NFIA: variants seen among roughly 807,000 people sequenced by gnomAD.
The protein encoded by NFIA is nuclear factor I A.
NFIA carries 8 observed loss-of-function variants against 62.8 expected under a neutral mutation model. That is an observed-to-expected ratio of 0.13 (90% CI 0.07 to 0.23). NFIA has a LOEUF of 0.23. NFIA is among the 10% of genes least tolerant of loss of function. The pLI is 1.00. For missense variants in NFIA, 410 were observed against 642.1 expected (o/e 0.64, Z 3.91); for synonymous variants, 235 against 238.1 (o/e 0.99, Z 0.12).
intron 6 of NFIA, among the ~76,000 whole-genome samples, chr1:61,373,971 A>T (rs1000525688): frequency 6.6e-6 from 1 of 152,200 alleles, no homozygotes; most frequent in African/African-American, 2.4e-5. Context: ...ACTATCCAGT[A>T]TTCTAACCAT....
chr1:61,262,128 T>C (rs537479883), intron 2 of NFIA, among the ~76,000 whole-genome samples: 1 of 152,300 alleles, frequency 6.6e-6, no homozygotes, highest in South Asian at 2.1e-4. Context: ...TCTCTCTTTA[T>C]GGAAATAAAG....
intron 10 of NFIA, among the ~76,000 whole-genome samples, chr1:61,438,992 C>G (rs999088571): frequency 8.1e-6 from 1 of 123,702 alleles, no homozygotes; most frequent in African/African-American, 3.2e-5. Context: ...TCCTAACATG[C>G]ATGCAGACAC....
intron 9 of NFIA, 51 bp downstream of exon 9, chr1:61,406,778 G>A: frequency 6.6e-7 from 1 of 1,504,526 alleles, no homozygotes; most frequent in Non-Finnish European, 8.9e-7. Context: ...TGTATGCACT[G>A]GAATCCACAC....
intron 2 of NFIA, among the ~76,000 whole-genome samples, chr1:61,243,242 A>G (rs1463560454): frequency 1.3e-5 from 2 of 152,188 alleles, no homozygotes; most frequent in Non-Finnish European, 2.9e-5. Context: ...TTCAACATAA[A>G]GCTATGGAGG....
chr1:61,336,643 T>TAA (rs1364386350), intron 4 of NFIA, among the ~76,000 whole-genome samples: 1 of 152,218 alleles, frequency 6.6e-6, no homozygotes, highest in African/African-American at 2.4e-5. Flanking sequence ...TTTACTGCCC[T>TAA]AAATATCTCC....
At chr1:61,386,881 T>G (rs1455479611) in intron 7 of NFIA, among the ~76,000 whole-genome samples, 3 of 152,174 alleles carry the variant, frequency 2.0e-5, no homozygotes, top group Non-Finnish European at 2.9e-5. Context: ...AGTCCAAGAT[T>G]AAGGCTCTGG....
intron 2 of NFIA, among the ~76,000 whole-genome samples, chr1:61,164,481 A>G (rs930862833): frequency 2.1e-4 from 31 of 151,168 alleles, no homozygotes; most frequent in African/African-American, 7.6e-4. Context: ...TTTTTTGGAG[A>G]TGGAGTATTG....
chr1:61,314,546 TA>T (rs1660272128), intron 3 of NFIA, among the ~76,000 whole-genome samples: 1 of 152,220 alleles, frequency 6.6e-6, no homozygotes, highest in South Asian at 2.1e-4. Context: ...ACCTGATTAT[TA>T]CTTACAGAAT....
chr1:61,228,305 A>G (rs1293286513), intron 2 of NFIA, among the ~76,000 whole-genome samples: 1 of 152,166 alleles, frequency 6.6e-6, no homozygotes, highest in African/African-American at 2.4e-5. Flanking sequence ...TGACACACTC[A>G]ACAAAGCCGT....
chr1:61,247,836 C>T (rs1655749853), intron 2 of NFIA, among the ~76,000 whole-genome samples: 2 of 152,158 alleles, frequency 1.3e-5, no homozygotes, highest in Non-Finnish European at 1.5e-5. Context: ...GGTCTACTGC[C>T]AACATGATCC....
rs200406628 is a variant in NFIA at position 61,406,555 on chromosome 1, C to G, written c.1255-7C>G. 4.6e-3 allele frequency: 6,404 copies of G among 1,405,946 alleles called. 92 individuals carry two copies. The highest frequency in any genetic ancestry group is 0.02 in the African/African-American group (1,176 of 60,096). The allele number at this position is 1,405,946 out of a possible 1,614,324, so 87.1% of individuals were successfully genotyped here. A position where few individuals can be genotyped will look rare whatever the true frequency, so the allele number is the denominator to read the frequency against. ...ACGTGTGTTTTCTGCCCCCCCCCCC[C>G]CCACAGCCCAATGGGAGCAGCCAAG... On this transcript the variant is annotated splice_polypyrimidine_tract_variant and splice_region_variant and intron_variant, in intron 8 of 10. Transcript: ENST00000403491.
intron 2 of NFIA, among the ~76,000 whole-genome samples, chr1:61,155,862 C>T (rs558379934): frequency 6.6e-5 from 10 of 152,114 alleles, no homozygotes; most frequent in Admixed American, 1.3e-4. Flanking sequence ...CTTGGCTGGG[C>T]GCGGTGGCTC....
upstream of NFIA, chr1:61,081,633 C>T (rs983045692): frequency 2.7e-6 from 1 of 376,326 alleles, no homozygotes; most frequent in Non-Finnish European, 4.9e-6. Context: ...CGTCTGTGTT[C>T]AAACCCACTA....
chr1:61,089,500 C>T (rs1352730994), intron 2 of NFIA, among the ~76,000 whole-genome samples: 3 of 151,922 alleles, frequency 2.0e-5, no homozygotes, highest in Non-Finnish European at 4.4e-5. Context: ...TTGTTCCTTT[C>T]GTCTTGTTTT....
chr1:61,261,418 AAG>A (rs1656766342), intron 2 of NFIA, among the ~76,000 whole-genome samples: 1 of 152,360 alleles, frequency 6.6e-6, no homozygotes, highest in Admixed American at 6.5e-5. Flanking sequence ...TTTAATATAA[AAG>A]AGGCTGTGTG....
chr1:61,415,345 A>G (rs1264424662), intron 9 of NFIA, among the ~76,000 whole-genome samples: 1 of 152,208 alleles, frequency 6.6e-6, no homozygotes, highest in Non-Finnish European at 1.5e-5. Context: ...ACCAGCATCC[A>G]TGAAAGGAAA....
At chr1:61,435,597 T>C (rs1188997275) in intron 10 of NFIA, among the ~76,000 whole-genome samples, 1 of 152,142 alleles carries the variant, frequency 6.6e-6, no homozygotes, top group East Asian at 1.9e-4. Context: ...GCCCTGCTAT[T>C]CCTCCTGTGC....
intron 7 of NFIA, among the ~76,000 whole-genome samples, chr1:61,401,503 T>TCTATCTCATTTCTTTAAAGATCAGCTCTG (rs1457523459): frequency 1.5e-4 from 23 of 152,304 alleles, no homozygotes; most frequent in African/African-American, 5.5e-4. Flanking sequence ...AGTTATTTCT[T>TCTATCTCATTTCTTTAAAGATCAGCTCTG]CTATCTCATT....
intron 4 of NFIA, among the ~76,000 whole-genome samples, chr1:61,348,274 G>C (rs1570618283): frequency 6.6e-6 from 1 of 152,238 alleles, no homozygotes. Flanking sequence ...GGCAGTTGCA[G>C]GGGGATGTTC....
Sources: allele counts gnomAD v4.1 joint callset (sites outside exome capture counted in the v4.1 genomes callset), GRCh38; gene constraint gnomAD v4.1.1; transcripts MANE v1.5; gene names NCBI Gene and HGNC (gene_info 2026-07-23, HGNC 2026-07-21).